The following CSMD1 variants were observed in gnomAD, a reference collection of about 807,000 sequenced individuals.
CSMD1 encodes the protein CUB and sushi domain-containing protein 1.
Under a neutral mutation model 417.5 loss-of-function variants are expected in CSMD1, and 213 were observed. That is an observed-to-expected ratio of 0.51 (90% CI 0.46 to 0.57). The LOEUF (loss-of-function observed/expected upper bound fraction) is 0.57, where lower values mean the gene tolerates loss of function less well. Among genes scored for constraint, CSMD1 ranks in the 20% least tolerant of loss-of-function variants. The probability of loss-of-function intolerance (pLI) is 0.00; values close to 1 mark genes in which losing one functional copy is unlikely to be tolerated. For synonymous variants in CSMD1, 2,862 were observed against 1,736.8 expected (o/e 1.65, Z -16.11); for missense variants, 6,923 against 4,529.7 (o/e 1.53, Z -15.17).
chr8:3,887,404 A>G (rs1214594802), intron 5 of CSMD1, among the ~76,000 whole-genome samples: 1 of 152,142 alleles, frequency 6.6e-6, no homozygotes, highest in East Asian at 1.9e-4. Flanking sequence ...GTTACCTTCT[A>G]CTCTGTCTGA....
At chr8:3,596,463 G>T (rs989525067) in intron 8 of CSMD1, among the ~76,000 whole-genome samples, 2 of 152,094 alleles carry the variant, frequency 1.3e-5, no homozygotes, top group African/African-American at 4.8e-5. Context: ...AGACTCAGAG[G>T]GCCCTCTGCT....
intron 1 of CSMD1, among the ~76,000 whole-genome samples, chr8:4,870,665 A>G: frequency 6.6e-6 from 1 of 152,150 alleles, no homozygotes; most frequent in Non-Finnish European, 1.5e-5. Flanking sequence ...GGAGAAACAG[A>G]GTACAGAAGT....
intron 12 of CSMD1, among the ~76,000 whole-genome samples, chr8:3,461,264 C>G (rs1352272897): frequency 6.6e-6 from 1 of 152,228 alleles, no homozygotes; most frequent in East Asian, 1.9e-4. Flanking sequence ...ATTCCTGCCA[C>G]AGACTGCAAG....
chr8:4,553,939 T>C (rs912392882), intron 2 of CSMD1, among the ~76,000 whole-genome samples: 2 of 152,136 alleles, frequency 1.3e-5, no homozygotes, highest in Admixed American at 6.5e-5. Context: ...GACCTCAATG[T>C]GAAGGAGTCC....
chr8:4,177,272 A>G (rs1358505376), intron 3 of CSMD1, among the ~76,000 whole-genome samples: 1 of 152,160 alleles, frequency 6.6e-6, no homozygotes, highest in East Asian at 1.9e-4. Context: ...CAGGATTAAG[A>G]AACTCACTCA....
At chr8:4,160,141 T>C (rs1347760048) in intron 3 of CSMD1, among the ~76,000 whole-genome samples, 10 of 152,006 alleles carry the variant, frequency 6.6e-5, no homozygotes, top group Admixed American at 6.6e-4. Context: ...TAATTCCAAG[T>C]ATTAACTTTG....
At chr8:4,066,412 GAAC>G in intron 3 of CSMD1, among the ~76,000 whole-genome samples, 1 of 151,558 alleles carries the variant, frequency 6.6e-6, no homozygotes, top group East Asian at 2.1e-4. Flanking sequence ...TAATTTTACA[GAAC>G]ACCACAGAGT....
At chr8:4,509,630 T>C (rs1585181701) in intron 2 of CSMD1, among the ~76,000 whole-genome samples, 1 of 152,278 alleles carries the variant, frequency 6.6e-6, no homozygotes, top group Admixed American at 6.5e-5. Context: ...ACCATTATCA[T>C]CAAGTTCTTT....
chr8:3,706,002 T>C (rs941955911), intron 7 of CSMD1, among the ~76,000 whole-genome samples: 8 of 152,178 alleles, frequency 5.3e-5, no homozygotes, highest in Admixed American at 5.2e-4. Context: ...CTACAGATGG[T>C]AAAGGATTCA....
In CSMD1 at chr8:4,897,558, T is replaced by C. The variant is rs77880813; in HGVS notation, c.85+96774A>G. Reference sequence around the variant, plus strand: ...AAACTATGTGCTAGTGTTTAATAGATTGCAATTTGTTACTCCGTTTTATAA... The same window carrying C: ...AAACTATGTGCTAGTGTTTAATAGACTGCAATTTGTTACTCCGTTTTATAA... On this transcript the variant is annotated intron_variant, in intron 1 of 69. Transcript: ENST00000635120. Among the ~76,000 whole-genome samples the C allele has an allele frequency of 7.3e-3, 1,117 of 152,228 alleles. 19 individuals carry two copies. The highest frequency in any genetic ancestry group is 0.026 in the African/African-American group (1,068 of 41,468).
intron 5 of CSMD1, among the ~76,000 whole-genome samples, chr8:3,942,263 A>T (rs1810934348): frequency 6.6e-6 from 1 of 152,156 alleles, no homozygotes; most frequent in African/African-American, 2.4e-5. Context: ...AAACTGCACC[A>T]TAAATGTAAT....
chr8:3,479,536 C>A (rs1456309733), intron 11 of CSMD1, among the ~76,000 whole-genome samples: 1 of 152,144 alleles, frequency 6.6e-6, no homozygotes, highest in Non-Finnish European at 1.5e-5. Context: ...CACCTCGGCC[C>A]CCCAAAGTGC....
chr8:4,774,830 C>A (rs536952555), intron 1 of CSMD1, among the ~76,000 whole-genome samples: 1 of 143,896 alleles, frequency 6.9e-6, no homozygotes, highest in Non-Finnish European at 1.5e-5. Flanking sequence ...CTTCCTCCTA[C>A]TGGAGGCATG....
intron 3 of CSMD1, among the ~76,000 whole-genome samples, chr8:4,325,278 A>C (rs956571849): frequency 3.9e-5 from 6 of 152,180 alleles, no homozygotes; most frequent in African/African-American, 1.4e-4. Flanking sequence ...CTCCCCACTA[A>C]CCAAGTATTC....
chr8:3,120,288 A>T (rs1332679487), intron 41 of CSMD1, among the ~76,000 whole-genome samples: 1 of 152,150 alleles, frequency 6.6e-6, no homozygotes, highest in African/African-American at 2.4e-5. Context: ...TCAGAATATG[A>T]ATCAGTCTGT....
In CSMD1 at chr8:3,199,788, G is replaced by A. The variant is rs763081825; in HGVS notation, c.5120C>T (p.Thr1707Met). ...GAATCGGAGCAGAATTTGATTTGAC[G>A]TAGCCAAGGGCAATGTTTCCCCTAG... ...SHSGETLPLA[T>M]SNQILLRFSA... The change falls in exon 33 of 70, where the codon ACG becomes ATG. Residue 1707 changes from threonine to methionine, a missense_variant. Transcript: ENST00000635120. 51 of 1,576,710 alleles carry A rather than the reference G, an allele frequency of 3.2e-5. 1 individual carries two copies. Among genetic ancestry groups the A allele is most frequent in the Middle Eastern group, 1.7e-4 (1 of 6,054 alleles).
chr8:4,382,670 G>A (rs1163421109), intron 3 of CSMD1, among the ~76,000 whole-genome samples: 2 of 152,264 alleles, frequency 1.3e-5, no homozygotes, highest in South Asian at 4.1e-4. Context: ...TCAGGTCTTA[G>A]CATAAATAAT....
intron 7 of CSMD1, among the ~76,000 whole-genome samples, chr8:3,635,632 A>G (rs13262621): frequency 6.6e-6 from 1 of 150,522 alleles, no homozygotes; most frequent in South Asian, 2.1e-4. Context: ...TACAGGCGCC[A>G]GCCACCATGC....
At chr8:3,882,534 G>C (rs886585237) in intron 5 of CSMD1, among the ~76,000 whole-genome samples, 9 of 152,166 alleles carry the variant, frequency 5.9e-5, no homozygotes, top group Non-Finnish European at 1.2e-4. Flanking sequence ...TACACTGTGA[G>C]TGGACGATCG....
Sources: gnomAD v4.1 joint callset for allele counts (sites outside exome capture counted in the v4.1 genomes callset) on GRCh38, gnomAD v4.1.1 for gene constraint, MANE v1.5 for transcripts, NCBI Gene and HGNC (gene_info 2026-07-23, HGNC 2026-07-21) for gene names.